The following SLC9A9 variants were observed in gnomAD, a reference collection of about 807,000 sequenced individuals.
SLC9A9 encodes sodium/hydrogen exchanger 9.
Under a neutral mutation model 77.8 loss-of-function variants are expected in SLC9A9, and 62 were observed. The observed-to-expected ratio is 0.80, with a 90% confidence interval of 0.65 to 0.98. SLC9A9 has a LOEUF of 0.98. Ranked by LOEUF, SLC9A9 falls within the 50% of genes least tolerant of loss-of-function variation. The pLI, the probability that SLC9A9 is intolerant of heterozygous loss-of-function variation, is 0.00. For synonymous variants in SLC9A9, 320 were observed against 283.5 expected, an observed-to-expected ratio of 1.13 and a Z score of -1.29; for missense variants, 775 against 774.9, an observed-to-expected ratio of 1.00 and a Z score of 0.00.
rs149978578 is a variant in SLC9A9, at chr3:143,704,614, T to C, written c.534-11307A>G. On this transcript the variant is annotated intron_variant, in intron 4 of 15. Coordinates refer to ENST00000316549, the MANE Select transcript of SLC9A9 (RefSeq NM_173653.4). ...AAGAAAATCAGTATATTGAAGTATA[T>C]CTGCACTCCTATATTTATTGCAGCG... Among the ~76,000 whole-genome samples, 3 of 152,282 alleles carry C rather than the reference T, an allele frequency of 2.0e-5. No individual in the cohort carries two copies. The East Asian group carries it at 5.8e-4, about 29-fold the overall frequency.
intron 1 of SLC9A9, 144 bp downstream of exon 1, chr3:143,848,004 G>A (rs1468611498): frequency 9.2e-6 from 8 of 869,878 alleles, no homozygotes; most frequent in South Asian, 4.6e-5. Flanking sequence ...ATTAGCATTC[G>A]TTACGCTGCA....
intron 1 of SLC9A9, among the ~76,000 whole-genome samples, chr3:143,842,416 C>A (rs2108898762): frequency 6.6e-6 from 1 of 152,216 alleles, no homozygotes; most frequent in East Asian, 1.9e-4. Flanking sequence ...CCCCCAAAAA[C>A]ATAAAAAAAC....
intron 14 of SLC9A9, among the ~76,000 whole-genome samples, chr3:143,347,883 ACAAT>A (rs780832100): frequency 6.6e-6 from 1 of 152,200 alleles, no homozygotes; most frequent in Non-Finnish European, 1.5e-5. Flanking sequence ...TTGTAAGGTG[ACAAT>A]CAATTTAAAT....
At chr3:143,377,005 T>C (rs532182546) in intron 13 of SLC9A9, among the ~76,000 whole-genome samples, 3 of 152,170 alleles carry the variant, frequency 2.0e-5, no homozygotes, top group South Asian at 2.1e-4. Context: ...TATGGAAAAA[T>C]GTTGATAACT....
chr3:143,406,358 C>A (rs754820473), intron 12 of SLC9A9, among the ~76,000 whole-genome samples: 4 of 151,882 alleles, frequency 2.6e-5, no homozygotes, highest in Non-Finnish European at 4.4e-5. Context: ...ATTATAGGAT[C>A]ACTAAGATTT....
At chr3:143,503,552 G>T in intron 9 of SLC9A9, 2 of 408,902 alleles carry the variant, frequency 4.9e-6, no homozygotes, top group South Asian at 3.7e-5. Context: ...TCAGGTCTGT[G>T]ACTGATGTTG....
chr3:143,632,928 A>C (rs778833213), intron 6 of SLC9A9, among the ~76,000 whole-genome samples: 32 of 152,352 alleles, frequency 2.1e-4, no homozygotes, highest in South Asian at 4.1e-4. Context: ...CAAACTAATC[A>C]GTTAAACAAC....
At chr3:143,617,933 T>C (rs931007669) in intron 6 of SLC9A9, among the ~76,000 whole-genome samples, 1 of 152,122 alleles carries the variant, frequency 6.6e-6, no homozygotes, top group African/African-American at 2.4e-5. Flanking sequence ...ACAAGACTGA[T>C]AGCAACATAA....
At chr3:143,686,709 C>G (rs1188921795) in intron 5 of SLC9A9, among the ~76,000 whole-genome samples, 1 of 152,042 alleles carries the variant, frequency 6.6e-6, no homozygotes, top group African/African-American at 2.4e-5. Context: ...CTTGGATAGT[C>G]AAATTTACCA....
At chr3:143,589,908 T>G (rs934491820) in intron 6 of SLC9A9, among the ~76,000 whole-genome samples, 8 of 152,076 alleles carry the variant, frequency 5.3e-5, no homozygotes, top group Non-Finnish European at 7.4e-5. Flanking sequence ...TGAGGCAAAG[T>G]CCACTCTTGG....
intron 14 of SLC9A9, among the ~76,000 whole-genome samples, chr3:143,273,641 C>G (rs1448823232): frequency 6.6e-6 from 1 of 152,066 alleles, no homozygotes; most frequent in Non-Finnish European, 1.5e-5. Context: ...TATCTTGGGC[C>G]CTCTTTAAAA....
At chr3:143,385,338 TCACA>T (rs939997099) in intron 12 of SLC9A9, among the ~76,000 whole-genome samples, 7 of 152,162 alleles carry the variant, frequency 4.6e-5, no homozygotes, top group African/African-American at 1.7e-4. Flanking sequence ...AGGCTTACAA[TCACA>T]CACAATTGTT....
intron 5 of SLC9A9, among the ~76,000 whole-genome samples, chr3:143,685,758 A>G (rs186035857): frequency 6.6e-6 from 1 of 152,288 alleles, no homozygotes; most frequent in East Asian, 1.9e-4. Flanking sequence ...TCCTTTTCCT[A>G]AAAGAAGCTA....
intron 9 of SLC9A9, among the ~76,000 whole-genome samples, chr3:143,530,195 A>G (rs1183868297): frequency 1.3e-5 from 2 of 152,208 alleles, no homozygotes; most frequent in Non-Finnish European, 2.9e-5. Context: ...GATAATTACT[A>G]AGTTAGTGAG....
chr3:143,443,196 T>C (rs2034779312), intron 12 of SLC9A9, among the ~76,000 whole-genome samples: 1 of 152,138 alleles, frequency 6.6e-6, no homozygotes, highest in Admixed American at 6.5e-5. Flanking sequence ...ATATTACATT[T>C]GAGATACAAA....
intron 4 of SLC9A9, among the ~76,000 whole-genome samples, chr3:143,766,406 A>G (rs1419114770): frequency 6.6e-6 from 1 of 152,222 alleles, no homozygotes; most frequent in Admixed American, 6.5e-5. Context: ...TATGTATGAA[A>G]GGAAGAAAGT....
At chr3:143,386,951 T>A (rs1264424502) in intron 12 of SLC9A9, among the ~76,000 whole-genome samples, 1 of 152,170 alleles carries the variant, frequency 6.6e-6, no homozygotes, top group Non-Finnish European at 1.5e-5. Flanking sequence ...AGTGATTCTT[T>A]TGCCTTAGCC....
chr3:143,623,154 C>T (rs2038253103), intron 6 of SLC9A9, among the ~76,000 whole-genome samples: 1 of 152,140 alleles, frequency 6.6e-6, no homozygotes, highest in Non-Finnish European at 1.5e-5. Flanking sequence ...GACTCCCACA[C>T]AATAATAATG....
chr3:143,275,759 C>T (rs1473836544), intron 14 of SLC9A9, among the ~76,000 whole-genome samples: 1 of 152,072 alleles, frequency 6.6e-6, no homozygotes, highest in Admixed American at 6.5e-5. Context: ...GTTTTATGAG[C>T]ATGTCTTTCC....
Sources: allele counts gnomAD v4.1 joint callset (sites outside exome capture counted in the v4.1 genomes callset), GRCh38; gene constraint gnomAD v4.1.1; transcripts MANE v1.5; gene names NCBI Gene and HGNC (gene_info 2026-07-23, HGNC 2026-07-21).